The following API5 variants were observed in gnomAD, a reference collection of about 807,000 sequenced individuals.
The protein encoded by API5 is FIF.
A neutral mutation model predicts 71.9 loss-of-function variants in API5; 6 were observed. The ratio of observed to expected loss-of-function variants is 0.08; its 90% CI spans 0.05 to 0.16. The LOEUF (loss-of-function observed/expected upper bound fraction) is 0.16. API5 is among the 10% of genes least tolerant of loss of function. API5 has a pLI of 1.00. For synonymous variants in API5, 189 were observed against 221.3 expected (o/e 0.85, Z 1.30); for missense variants, 332 against 612.8 (o/e 0.54, Z 4.84).
chr11:43,338,042 C>T (rs1190108426), intron 13 of API5, among the ~76,000 whole-genome samples: 1 of 152,154 alleles, frequency 6.6e-6, no homozygotes, highest in Non-Finnish European at 1.5e-5. Flanking sequence ...CGAGTCACAA[C>T]TTCAGTTATT....
intron 11 of API5, among the ~76,000 whole-genome samples, chr11:43,332,693 TAC>T (rs138031132): frequency 6.6e-6 from 1 of 151,830 alleles, no homozygotes. Context: ...CACTCTCATA[TAC>T]ACACACACAC....
chr11:43,317,263 A>AT, intron 1 of API5, among the ~76,000 whole-genome samples: 1 of 152,182 alleles, frequency 6.6e-6, no homozygotes, highest in African/African-American at 2.4e-5. Flanking sequence ...TGTTACTGTT[A>AT]TTTACCATCT....
At chr11:43,336,093 A>C in intron 13 of API5, 99 bp downstream of exon 13, 4 of 1,428,336 alleles carry the variant, frequency 2.8e-6, no homozygotes, top group Non-Finnish European at 3.8e-6. Context: ...TCATGGTTCT[A>C]TCCAATGACT....
intron 9 of API5, 194 bp downstream of exon 9, chr11:43,329,087 A>T (rs1855165866): frequency 1.7e-6 from 1 of 579,324 alleles, no homozygotes; most frequent in African/African-American, 1.9e-5. Context: ...CACGTCTGTA[A>T]TCCCAGCACT....
chr11:43,313,306 C>A (rs990132218), intron 1 of API5, among the ~76,000 whole-genome samples: 14 of 152,172 alleles, frequency 9.2e-5, no homozygotes, highest in South Asian at 2.1e-4. Flanking sequence ...GTCATTTGTT[C>A]CCTGTATGAG....
At position 43,329,038 on chromosome 11, in the gene API5, T is replaced by C. The variant is rs983687124; in HGVS notation, c.1127+145T>C. 12 of 796,552 alleles carry C rather than the reference T, an allele frequency of 1.5e-5. No individual in the cohort carries two copies. The Admixed American group carries it at 3.4e-4, about 22-fold the overall frequency. 49.3% of individuals were successfully genotyped at this position (796,552 alleles called of 1,614,324 possible). On this transcript the variant is annotated intron_variant, in intron 9 of 13. Coordinates refer to ENST00000531273, the MANE Select transcript of API5 (RefSeq NM_001142930.2). ...TGGAGGGTTCAGAAAATGGGCATGT[T>C]TGTAAACATATGACAGAAATGAGCC... is the stretch of plus-strand genomic sequence containing the variant.
intron 2 of API5, among the ~76,000 whole-genome samples, chr11:43,320,263 C>T (rs1322625443): frequency 6.6e-6 from 1 of 152,000 alleles, no homozygotes; most frequent in Non-Finnish European, 1.5e-5. Context: ...CAAGGCTGGT[C>T]TCAAACTCCT....
At chr11:43,335,149 A>C in intron 11 of API5, 129 bp from the exon 12 acceptor site, 1 of 691,452 alleles carries the variant, frequency 1.4e-6, no homozygotes. Flanking sequence ...TTCCTGTTTA[A>C]TTTTCTGTTG....
intron 13 of API5, among the ~76,000 whole-genome samples, chr11:43,336,968 A>G (rs1434514833): frequency 7.0e-6 from 1 of 143,100 alleles, no homozygotes; most frequent in East Asian, 2.1e-4. Flanking sequence ...AGATCGCACC[A>G]CTGTACTCCA....
chr11:43,327,714 C>T (rs558053443), intron 7 of API5, 75 bp from the exon 8 acceptor site: 28 of 1,034,038 alleles, frequency 2.7e-5, no homozygotes, highest in Admixed American at 1.9e-4. Context: ...AGTCTTAAAT[C>T]GTTATCTAGA....
chr11:43,319,910 A>G (rs535529698), intron 2 of API5, among the ~76,000 whole-genome samples: 47 of 152,306 alleles, frequency 3.1e-4, no homozygotes, highest in African/African-American at 1.1e-3. Flanking sequence ...TAAAAACCTA[A>G]CAGTTGCATA....
Position 43,323,502 on chromosome 11 carries a change from A to G in API5, c.616A>G (p.Thr206Ala), listed in dbSNP as rs1854963587. Residue 206 changes from threonine (T) to alanine (A), a missense_variant, in exon 6 of 14, where the codon ACA becomes GCA. Physicochemically the swap from Thr to Ala is moderately conservative, Grantham distance 58. Coordinates refer to ENST00000531273, the MANE Select transcript of API5 (RefSeq NM_001142930.2). The part of the protein sequence containing the change: ...KILSGLKSLQ[T>A]VSGRQQLVEL... ...ACTGTCTGGGTTAAAAAGCTTACAG[A>G]CAGTGAGTGGAAGACAGCAACTTGT... 6.2e-7 allele frequency: 1 copy of G among 1,614,196 alleles called. No individual in the cohort carries two copies. Among genetic ancestry groups the G allele is most frequent in the Non-Finnish European group, 8.5e-7 (1 of 1,180,016 alleles).
chr11:43,321,779 A>G (rs1356211818), intron 4 of API5, among the ~76,000 whole-genome samples: 7 of 152,222 alleles, frequency 4.6e-5, no homozygotes, highest in Admixed American at 1.3e-4. Flanking sequence ...AAGGAAAGTC[A>G]TGCTTAAGCT....
Position 43,312,077 on chromosome 11 carries a change from C to A in API5, c.-51C>A, listed in dbSNP as rs1178073409. 6.2e-7 allele frequency: 1 copy of A among 1,601,136 alleles called. No individual in the cohort carries two copies. Among genetic ancestry groups the A allele is most frequent in the Non-Finnish European group, 8.5e-7 (1 of 1,170,954 alleles). On this transcript the variant is annotated 5_prime_UTR_variant, in exon 1 of 14. Coordinates refer to ENST00000531273, the MANE Select transcript of API5 (RefSeq NM_001142930.2). ...TGGAGAAGTTCCGAGGCGGCGGTGG[C>A]GCCGGTCAGGACAAGGATAGCGGAA...
intron 13 of API5, chr11:43,339,419 A>G (rs1038509468): frequency 6.6e-6 from 1 of 152,220 alleles, no homozygotes; most frequent in Non-Finnish European, 1.5e-5. Flanking sequence ...GAAGTTTAGA[A>G]GTTAATGAAG....
chr11:43,320,992 A>T, intron 3 of API5, 78 bp downstream of exon 3: 1 of 1,236,598 alleles, frequency 8.1e-7, no homozygotes, highest in Non-Finnish European at 1.2e-6. Flanking sequence ...TTAGGTTTTA[A>T]ATGGGGTGCA....
At chr11:43,320,479 C>T (rs758554628) in intron 2 of API5, among the ~76,000 whole-genome samples, 1 of 152,042 alleles carries the variant, frequency 6.6e-6, no homozygotes, top group Non-Finnish European at 1.5e-5. Context: ...CATGGTGACT[C>T]ATGCCTGTAA....
chr11:43,330,211 A>G (rs1441902370), intron 10 of API5, 153 bp downstream of exon 10: 2 of 676,200 alleles, frequency 3.0e-6, no homozygotes, highest in Non-Finnish European at 4.9e-6. Context: ...TTATGTTCCT[A>G]TAACTTAAAC....
chr11:43,316,370 A>C (rs1258605665), intron 1 of API5, among the ~76,000 whole-genome samples: 1 of 132,370 alleles, frequency 7.6e-6, no homozygotes, highest in East Asian at 2.3e-4. Flanking sequence ...GGCAAAAGGA[A>C]GTTTTGTTTT....
Sources: allele counts gnomAD v4.1 joint callset (sites outside exome capture counted in the v4.1 genomes callset), GRCh38; gene constraint gnomAD v4.1.1; transcripts MANE v1.5; gene names NCBI Gene and HGNC (gene_info 2026-07-23, HGNC 2026-07-21).